TOP3A: variants seen among roughly 807,000 people sequenced by gnomAD.
TOP3A encodes DNA topoisomerase III alpha.
In TOP3A, 64 loss-of-function variants were observed where a neutral mutation model predicts 111.3. The ratio of observed to expected loss-of-function variants is 0.57; its 90% CI spans 0.47 to 0.71. The LOEUF is 0.71. Among genes scored for constraint, TOP3A ranks in the 30% least tolerant of loss-of-function variants. The pLI, the probability that TOP3A is intolerant of heterozygous loss-of-function variation, is 0.00. For synonymous variants in TOP3A, 484 were observed against 485.1 expected (o/e 1.00, Z 0.03); for missense variants, 1,104 against 1,285.0 (o/e 0.86, Z 2.15).
chr17:18,278,937 C>G (rs1269037220), intron 17 of TOP3A, among the ~76,000 whole-genome samples: 1 of 152,156 alleles, frequency 6.6e-6, no homozygotes, highest in African/African-American at 2.4e-5. Flanking sequence ...AAGATTGTGC[C>G]ACTGCACTCC....
At chr17:18,279,924 G>A (rs1979648054) in intron 17 of TOP3A, among the ~76,000 whole-genome samples, 1 of 152,090 alleles carries the variant, frequency 6.6e-6, no homozygotes, top group African/African-American at 2.4e-5. Flanking sequence ...GCCAAGGTGG[G>A]TGGATCACTT....
chr17:18,301,850 T>C (rs368215578), intron 8 of TOP3A, 35 bp downstream of exon 8: 2 of 1,561,996 alleles, frequency 1.3e-6, no homozygotes, highest in Non-Finnish European at 1.8e-6. Flanking sequence ...TTGGGAGGTG[T>C]GCAGAATGTT....
chr17:18,307,823 T>C (rs1273360975), intron 3 of TOP3A, among the ~76,000 whole-genome samples: 1 of 146,642 alleles, frequency 6.8e-6, no homozygotes, highest in African/African-American at 2.6e-5. Context: ...GGCATGAGAA[T>C]CGCTTGAACC....
In TOP3A at chr17:18,297,982, G is replaced by A. The variant is rs1175107736; in HGVS notation, c.990+1577C>T. Among the ~76,000 whole-genome samples the A allele has an allele frequency of 1.4e-4, 21 of 149,378 alleles. No homozygotes were observed. In the East Asian group the frequency reaches 1.6e-3, roughly 11 times the overall value. On this transcript the variant is annotated intron_variant, in intron 9 of 18. Coordinates refer to ENST00000321105, the MANE Select transcript of TOP3A (RefSeq NM_004618.5). Reference sequence around the variant, plus strand: ...CCATCCCATCTAGGAAGTGAGGAGCGCCTCTTCCCGGCCGCCATCCCATCT... The same window carrying A: ...CCATCCCATCTAGGAAGTGAGGAGCACCTCTTCCCGGCCGCCATCCCATCT...
intron 3 of TOP3A, 87 bp from the exon 4 acceptor site, chr17:18,307,053 C>A: frequency 1.1e-6 from 1 of 896,832 alleles, no homozygotes; most frequent in Admixed American, 2.3e-5. Flanking sequence ...CCAATGGGTT[C>A]ATGGTGTATC....
At chr17:18,298,256 C>T (rs1015871355) in intron 9 of TOP3A, among the ~76,000 whole-genome samples, 39 of 149,132 alleles carry the variant, frequency 2.6e-4, no homozygotes, top group Non-Finnish European at 5.5e-4. Flanking sequence ...GTGAGAAGCC[C>T]CTCCGCCCAG....
At position 18,295,770 on chromosome 17, in the gene TOP3A, A is replaced by T. The variant is rs759088034; in HGVS notation, c.991-985T>A. On this transcript the variant is annotated intron_variant, in intron 9 of 18. Transcript: ENST00000321105. ...CACCGCGTCTGGCCCAGAAATCTAC[A>T]TTTTTTTTTTTTTTCACATGGAGTC... is the stretch of plus-strand genomic sequence containing the variant. Among the ~76,000 whole-genome samples, 233 of 125,200 alleles carry T rather than the reference A, an allele frequency of 1.9e-3. 2 individuals are homozygous for T. Among genetic ancestry groups the T allele is most frequent in the Non-Finnish European group, 3.0e-3 (178 of 59,144 alleles). 82.1% of individuals were successfully genotyped at this position (125,200 alleles called of 152,430 possible).
intron 1 of TOP3A, among the ~76,000 whole-genome samples, chr17:18,309,770 C>T (rs1981800914): frequency 1.5e-5 from 2 of 136,930 alleles, no homozygotes; most frequent in South Asian, 2.4e-4. Context: ...AGTCCAGTGG[C>T]GTGATCTCGG....
Position 18,272,578 on chromosome 17 carries a change from T to C in TOP3A, c.*2224A>G, listed in dbSNP as rs766673531. ...TGTGGTATATTCATACAGTGGGCTA[T>C]CAGCTTATCATAAACATCGAGGACT... On this transcript the variant is annotated 3_prime_UTR_variant, in exon 19 of 19. Transcript: ENST00000321105. Among the ~76,000 whole-genome samples, 44 of 152,234 alleles carry C rather than the reference T, an allele frequency of 2.9e-4. No individual in the cohort carries two copies. The highest frequency in any genetic ancestry group is 8.5e-4 in the Admixed American group (13 of 15,282).
At chr17:18,299,747 C>T in intron 8 of TOP3A, 114 bp from the exon 9 acceptor site, 2 of 943,242 alleles carry the variant, frequency 2.1e-6, no homozygotes, top group Non-Finnish European at 3.4e-6. Flanking sequence ...GCCAGCTAAG[C>T]CCGCAGTGAC....
At chr17:18,305,484 A>G (rs893138751) in intron 4 of TOP3A, among the ~76,000 whole-genome samples, 79 of 147,996 alleles carry the variant, frequency 5.3e-4, no homozygotes, top group South Asian at 2.9e-3. Flanking sequence ...TAACACACAC[A>G]CACGCGCGCG....
Position 18,277,797 on chromosome 17 carries a change from G to A in TOP3A, c.2705C>T (p.Pro902Leu), listed in dbSNP as rs375512377. 6.2e-7 allele frequency: 1 copy of A among 1,614,176 alleles called. No homozygotes were observed. Among genetic ancestry groups the A allele is most frequent in the Non-Finnish European group, 8.5e-7 (1 of 1,180,040 alleles). ...GSGTSCLCSQ[P>L]SVTRTVQKDG... is the part of the protein sequence containing the mutation. ...CTTCTGCACAGTCCGTGTGACGGAG[G>A]GCTGGCTGCAAAGGCAGGATGTGCC... The change falls in exon 18 of 19, where the codon CCC becomes CTC. Residue 902 changes from proline (P) to leucine (L), a missense_variant. Physicochemically the swap from Pro to Leu is moderately conservative, Grantham distance 98. Coordinates refer to ENST00000321105, the MANE Select transcript of TOP3A (RefSeq NM_004618.5).
At chr17:18,282,314 TG>T (rs1481416373) in intron 16 of TOP3A, among the ~76,000 whole-genome samples, 3 of 152,148 alleles carry the variant, frequency 2.0e-5, no homozygotes, top group Non-Finnish European at 2.9e-5. Flanking sequence ...AAGAAGAAAT[TG>T]GGGTTCAGAG....
Position 18,308,941 on chromosome 17 carries a change from T to C in TOP3A, c.181A>G (p.Arg61Gly). Residue 61 changes from arginine (R) to glycine (G), a missense_variant and splice_region_variant, in exon 2 of 19, where the codon AGA (arginine) becomes GGA (glycine). Physicochemically the swap from Arg to Gly is moderately radical, Grantham distance 125 (BLOSUM62 -2). Transcript: ENST00000321105. ...TTGTTGAATTTTGAAAGTCCTTCTCTCTATAAAACAAAAATAAGTAAAAAA... is the reference window on the plus strand; with the variant it reads ...TTGTTGAATTTTGAAAGTCCTTCTCCCTATAAAACAAAAATAAGTAAAAAA... ...DLLSNGRMRR[R>G]EGLSKFNKIY... 1.3e-6 allele frequency: 2 copies of C among 1,488,900 alleles called. No homozygotes were observed. The highest frequency in any genetic ancestry group is 1.8e-6 in the Non-Finnish European group (2 of 1,091,468). The allele number at this position is 1,488,900 out of a possible 1,614,324, so 92.2% of individuals were successfully genotyped here.
At chr17:18,290,442 G>C (rs1980392966) in intron 13 of TOP3A, 115 bp downstream of exon 13, 1 of 1,204,702 alleles carries the variant, frequency 8.3e-7, no homozygotes, top group Non-Finnish European at 1.1e-6. Context: ...CTATAAAATG[G>C]GATAAAGATA....
intron 1 of TOP3A, among the ~76,000 whole-genome samples, 155 bp from the exon 2 acceptor site, chr17:18,309,096 C>A (rs1981758038): frequency 6.6e-6 from 1 of 152,024 alleles, no homozygotes; most frequent in African/African-American, 2.4e-5. Context: ...AAATGGCCAA[C>A]AAGCATATGA....
chr17:18,278,143 T>G lies in TOP3A; in HGVS notation c.2359A>C (p.Arg787=). ...AGAGCCTTTGAGGACCCAGTCTGTCTGCTGTCAGCAGGCTGGGGGTGCTGG... is the reference window on the plus strand; with the variant it reads ...AGAGCCTTTGAGGACCCAGTCTGTCGGCTGTCAGCAGGCTGGGGGTGCTGG... ...NSQHPQPADS[R]QTGSSKALAQ... is the part of the protein sequence containing the mutation. Residue 787 remains arginine (R), a synonymous_variant, in exon 18 of 19, where the codon AGA becomes CGA. Transcript: ENST00000321105. 1.2e-6 allele frequency: 2 copies of G among 1,614,228 alleles called. No individual in the cohort carries two copies. Among genetic ancestry groups the G allele is most frequent in the East Asian group, 4.5e-5 (2 of 44,876 alleles).
chr17:18,287,759 C>G (rs187018588), intron 13 of TOP3A, among the ~76,000 whole-genome samples: 1 of 152,088 alleles, frequency 6.6e-6, no homozygotes, highest in Admixed American at 6.6e-5. Flanking sequence ...CTTTGGGAGG[C>G]CTAGGTGGGC....
chr17:18,301,487 T>A (rs559410328), intron 8 of TOP3A, among the ~76,000 whole-genome samples: 1 of 152,356 alleles, frequency 6.6e-6, no homozygotes, highest in Non-Finnish European at 1.5e-5. Flanking sequence ...ATTAGCCCAC[T>A]AATTTGTGAC....
Sources: allele counts gnomAD v4.1 joint callset (sites outside exome capture counted in the v4.1 genomes callset), GRCh38; gene constraint gnomAD v4.1.1; transcripts MANE v1.5; gene names NCBI Gene and HGNC (gene_info 2026-07-23, HGNC 2026-07-21).